The following DSCAM variants were observed in gnomAD, a reference collection of about 807,000 sequenced individuals.
The protein encoded by DSCAM is DS cell adhesion molecule.
A neutral mutation model predicts 217.7 loss-of-function variants in DSCAM; 47 were observed. The ratio of observed to expected loss-of-function variants is 0.22; its 90% CI spans 0.17 to 0.28. DSCAM has a LOEUF of 0.28. Ranked by LOEUF, DSCAM falls within the 10% of genes least tolerant of loss-of-function variation. The pLI is 1.00. For synonymous variants in DSCAM, 1,056 were observed against 1,015.3 expected, an observed-to-expected ratio of 1.04 and a Z score of -0.76; for missense variants, 2,080 against 2,618.3, an observed-to-expected ratio of 0.79 and a Z score of 4.49.
In DSCAM at chr21:40,298,733, G is replaced by A. The variant is rs77114464; in HGVS notation, c.2063-2559C>T. Among the ~76,000 whole-genome samples the A allele has an allele frequency of 8.9e-3, 1,356 of 152,168 alleles. 15 individuals carry two copies. The highest frequency in any genetic ancestry group is 0.029 in the African/African-American group (1,221 of 41,508). On this transcript the variant is annotated intron_variant, in intron 9 of 32. Transcript: ENST00000400454. ...AAATCTGCAGCCATCCACATTCTGT[G>A]CTCCATTTGGCTCAAGTTCTGCCAA...
At chr21:40,079,137 T>C (rs1479949476) in intron 25 of DSCAM, among the ~76,000 whole-genome samples, 160 bp from the exon 26 acceptor site, 1 of 152,234 alleles carries the variant, frequency 6.6e-6, no homozygotes, top group African/African-American at 2.4e-5. Flanking sequence ...TAATAGAGAC[T>C]TTATGGACCA....
intron 3 of DSCAM, among the ~76,000 whole-genome samples, chr21:40,557,950 T>C (rs2076685491): frequency 6.6e-6 from 1 of 152,226 alleles, no homozygotes; most frequent in South Asian, 2.1e-4. Flanking sequence ...AATACCTGTT[T>C]ACTGATCCTA....
intron 11 of DSCAM, among the ~76,000 whole-genome samples, chr21:40,268,483 G>A (rs1423125337): frequency 2.0e-5 from 3 of 152,126 alleles, no homozygotes; most frequent in African/African-American, 7.2e-5. Flanking sequence ...GGAAGGCCAT[G>A]GAACAGAAGG....
chr21:40,564,374 A>T (rs569578088), intron 3 of DSCAM, among the ~76,000 whole-genome samples: 2 of 152,340 alleles, frequency 1.3e-5, no homozygotes, highest in African/African-American at 2.4e-5. Flanking sequence ...CCAGTAACTA[A>T]TCTTCAGAGT....
intron 20 of DSCAM, among the ~76,000 whole-genome samples, chr21:40,111,868 A>G (rs2089903412): frequency 6.6e-6 from 1 of 152,076 alleles, no homozygotes; most frequent in African/African-American, 2.4e-5. Flanking sequence ...AGAGCTAACT[A>G]TCCTAAATAT....
intron 3 of DSCAM, among the ~76,000 whole-genome samples, chr21:40,433,274 G>A (rs990861823): frequency 6.6e-6 from 1 of 151,492 alleles, no homozygotes; most frequent in African/African-American, 2.4e-5. Flanking sequence ...GCTTGAACTC[G>A]GGAGGTGGAG....
At chr21:40,423,796 G>T (rs759978067) in intron 3 of DSCAM, among the ~76,000 whole-genome samples, 1 of 152,230 alleles carries the variant, frequency 6.6e-6, no homozygotes, top group Non-Finnish European at 1.5e-5. Context: ...GCCATGATCA[G>T]TGATGTAACA....
chr21:40,621,074 G>A (rs2089509186), intron 3 of DSCAM, among the ~76,000 whole-genome samples: 2 of 152,170 alleles, frequency 1.3e-5, no homozygotes, highest in African/African-American at 4.8e-5. Context: ...AAAGTTGGGA[G>A]ACCAGGGATA....
At chr21:40,227,415 TG>T (rs1450779575) in intron 11 of DSCAM, among the ~76,000 whole-genome samples, 3 of 152,234 alleles carry the variant, frequency 2.0e-5, no homozygotes, top group Admixed American at 6.5e-5. Flanking sequence ...GGGTCATTTT[TG>T]TGGCCTGTCA....
chr21:40,768,849 G>A (rs1206603506), intron 1 of DSCAM, among the ~76,000 whole-genome samples: 1 of 152,190 alleles, frequency 6.6e-6, no homozygotes, highest in Non-Finnish European at 1.5e-5. Context: ...TAGCATAGGG[G>A]TATGGAAGAT....
At chr21:40,464,391 A>G (rs920731190) in intron 3 of DSCAM, among the ~76,000 whole-genome samples, 3 of 152,232 alleles carry the variant, frequency 2.0e-5, no homozygotes, top group African/African-American at 7.2e-5. Flanking sequence ...AAAATAGAGA[A>G]CAGGCTCAGA....
At chr21:40,165,931 G>C (rs1049380289) in intron 16 of DSCAM, among the ~76,000 whole-genome samples, 1 of 151,906 alleles carries the variant, frequency 6.6e-6, no homozygotes, top group East Asian at 1.9e-4. Flanking sequence ...TGCTTACAAA[G>C]ACCAATGACA....
chr21:40,266,040 A>G (rs2073521556), intron 11 of DSCAM, among the ~76,000 whole-genome samples: 1 of 152,230 alleles, frequency 6.6e-6, no homozygotes, highest in Non-Finnish European at 1.5e-5. Flanking sequence ...GCACAGCAAA[A>G]TAAATAATCA....
In DSCAM at chr21:40,025,675, C is replaced by T. The variant is rs113248420; in HGVS notation, c.5687-12289G>A. 4.9e-3 allele frequency among the ~76,000 whole-genome samples: 665 copies of T among 134,622 alleles called. 4 individuals are homozygous for T. The highest frequency in any genetic ancestry group is 8.3e-3 in the Middle Eastern group (2 of 240). 88.3% of individuals were successfully genotyped at this position (134,622 alleles called of 152,430 possible). ...TATTTGCGTAGAGGTGTTTGTAGTA[C>T]TCTCTGATGGTAGTTTGTATTTCTG... is the stretch of plus-strand genomic sequence containing the variant. On this transcript the variant is annotated intron_variant, in intron 32 of 32. Transcript: ENST00000400454.
intron 11 of DSCAM, among the ~76,000 whole-genome samples, chr21:40,200,323 C>T: frequency 6.6e-6 from 1 of 152,204 alleles, no homozygotes; most frequent in East Asian, 1.9e-4. Context: ...GGCCCCCAGG[C>T]CCTGGCAGTC....
At position 40,846,738 on chromosome 21, in the gene DSCAM, C is replaced by T. The variant is rs1219322163; in HGVS notation, c.-77G>A. On this transcript the variant is annotated 5_prime_UTR_variant, in exon 1 of 33. Transcript: ENST00000400454. ...GCGCTCCGCCCGGCCCGGCTCCGCT[C>T]GCCGCTCGGCACCTGCCCGGGGGCC... The T allele has an allele frequency of 7.7e-5, 55 of 714,898 alleles. No individual in the cohort carries two copies. The highest frequency in any genetic ancestry group is 9.4e-5 in the Non-Finnish European group (54 of 575,238). 44.3% of individuals were successfully genotyped at this position (714,898 alleles called of 1,614,324 possible). A position where few individuals can be genotyped will look rare whatever the true frequency, so the allele number is the denominator to read the frequency against.
chr21:40,462,688 T>C (rs1456294480), intron 3 of DSCAM, among the ~76,000 whole-genome samples: 1 of 152,164 alleles, frequency 6.6e-6, no homozygotes, highest in Non-Finnish European at 1.5e-5. Context: ...CCAATTAAAA[T>C]GTATAGATAC....
chr21:40,029,415 C>A (rs1485054834), intron 32 of DSCAM, among the ~76,000 whole-genome samples: 1 of 145,506 alleles, frequency 6.9e-6, no homozygotes, highest in Non-Finnish European at 1.5e-5. Flanking sequence ...TTGGGGAATG[C>A]ATTTGAGGTT....
chr21:40,074,930 A>C (rs1298902592), intron 27 of DSCAM, 107 bp downstream of exon 27: 1 of 1,212,654 alleles, frequency 8.2e-7, no homozygotes. Context: ...TGGGTTAAAG[A>C]GGGAAGAGTC....
Sources: gnomAD v4.1 joint callset for allele counts (sites outside exome capture counted in the v4.1 genomes callset) on GRCh38, gnomAD v4.1.1 for gene constraint, MANE v1.5 for transcripts, NCBI Gene and HGNC (gene_info 2026-07-23, HGNC 2026-07-21) for gene names.